Variants in NRXN1 observed in about 807,000 individuals in gnomAD.
NRXN1 encodes neurexin-1.
A neutral mutation model predicts 150.9 loss-of-function variants in NRXN1; 39 were observed. The ratio of observed to expected loss-of-function variants is 0.26; its 90% CI spans 0.20 to 0.34. NRXN1 has a LOEUF of 0.34. Among genes scored for constraint, NRXN1 ranks in the 10% least tolerant of loss-of-function variants. The pLI, the probability that NRXN1 is intolerant of heterozygous loss-of-function variation, is 1.00. For missense variants in NRXN1, 1,815 were observed against 1,949.9 expected, an observed-to-expected ratio of 0.93 and a Z score of 1.30; for synonymous variants, 924 against 757.0, an observed-to-expected ratio of 1.22 and a Z score of -3.62.
chr2:50,640,894 G>T (rs575670929), intron 5 of NRXN1, among the ~76,000 whole-genome samples: 1 of 152,154 alleles, frequency 6.6e-6, no homozygotes, highest in Non-Finnish European at 1.5e-5. Flanking sequence ...GGCAACTGTC[G>T]ATATTATATT....
chr2:50,205,179 T>C (rs2062474983), intron 18 of NRXN1, among the ~76,000 whole-genome samples: 2 of 152,118 alleles, frequency 1.3e-5, no homozygotes, highest in Non-Finnish European at 1.5e-5. Flanking sequence ...TTCATCTGCA[T>C]GGAAATTCTG....
At chr2:50,650,893 T>A (rs749162768) in intron 5 of NRXN1, among the ~76,000 whole-genome samples, 3 of 152,042 alleles carry the variant, frequency 2.0e-5, no homozygotes, top group Admixed American at 2.0e-4. Context: ...TAAAAAAGTA[T>A]AAAAATAAAT....
intron 15 of NRXN1, among the ~76,000 whole-genome samples, chr2:50,474,640 C>T (rs1356714450): frequency 3.0e-5 from 4 of 133,658 alleles, no homozygotes; most frequent in Admixed American, 8.9e-5. Flanking sequence ...CTCCTCTGTG[C>T]CATGGGAGCT....
intron 5 of NRXN1, among the ~76,000 whole-genome samples, chr2:50,781,805 C>T (rs1273679375): frequency 6.6e-6 from 1 of 152,140 alleles, no homozygotes; most frequent in African/African-American, 2.4e-5. Flanking sequence ...CAGGATGAAA[C>T]TGCCTCAATT....
intron 18 of NRXN1, among the ~76,000 whole-genome samples, chr2:50,209,467 G>A (rs1456202304): frequency 3.9e-5 from 6 of 152,084 alleles, no homozygotes; most frequent in Non-Finnish European, 8.8e-5. Flanking sequence ...TTTTACAAAC[G>A]AGAAGACTGA....
chr2:50,670,358 A>C (rs557229159), intron 5 of NRXN1, among the ~76,000 whole-genome samples: 1 of 151,666 alleles, frequency 6.6e-6, no homozygotes, highest in African/African-American at 2.4e-5. Context: ...ATTTATTTTT[A>C]TTATTTTGCT....
chr2:50,785,770 G>A (rs529241821), intron 5 of NRXN1, among the ~76,000 whole-genome samples: 13 of 152,252 alleles, frequency 8.5e-5, no homozygotes, highest in South Asian at 6.2e-4. Context: ...CAGAAGTCAC[G>A]TGGGTTCCCT....
At chr2:50,972,130 A>C (rs1695103245) in intron 2 of NRXN1, among the ~76,000 whole-genome samples, 1 of 152,144 alleles carries the variant, frequency 6.6e-6, no homozygotes, top group Non-Finnish European at 1.5e-5. Context: ...AATTCTTATT[A>C]GGAATTATTA....
intron 5 of NRXN1, among the ~76,000 whole-genome samples, chr2:50,683,064 C>T (rs373305652): frequency 6.6e-6 from 1 of 152,160 alleles, no homozygotes; most frequent in African/African-American, 2.4e-5. Context: ...GGAAGCAACA[C>T]TGAGCTGCTG....
At chr2:50,049,290 T>C (rs1487943355) in intron 21 of NRXN1, among the ~76,000 whole-genome samples, 2 of 152,126 alleles carry the variant, frequency 1.3e-5, no homozygotes. Context: ...TATGTTTTGG[T>C]AAATAATCAT....
chr2:50,818,962 A>G (rs2105811833), intron 5 of NRXN1, among the ~76,000 whole-genome samples: 1 of 152,168 alleles, frequency 6.6e-6, no homozygotes, highest in Middle Eastern at 3.4e-3. Context: ...CACAAGGAGG[A>G]GGGAAAGCAA....
At chr2:50,658,394 C>T (rs1315577171) in intron 5 of NRXN1, among the ~76,000 whole-genome samples, 3 of 80,158 alleles carry the variant, frequency 3.7e-5, no homozygotes, top group African/African-American at 1.7e-4. Flanking sequence ...TTTTAATTTA[C>T]AGGAAATGCA....
chr2:50,334,822 T>G (rs2077076443), intron 17 of NRXN1, among the ~76,000 whole-genome samples: 1 of 152,220 alleles, frequency 6.6e-6, no homozygotes, highest in Admixed American at 6.5e-5. Flanking sequence ...TGCTGGCACT[T>G]ACATACCACT....
In NRXN1 at chr2:50,004,862, AG is replaced by A. The variant is rs1485155498; in HGVS notation, c.4128+48408del. ...TAGTTAAAATAACTTAGACTTTTTC[AG>A]GAAAGACAAACTGAGGCCAAAAGCT... On this transcript the variant is annotated intron_variant, in intron 21 of 22. Transcript: ENST00000401669. Among the ~76,000 whole-genome samples the A allele has an allele frequency of 3.3e-5, 5 of 152,272 alleles. No individual in the cohort carries two copies. In the East Asian group the frequency reaches 7.7e-4, roughly 24 times the overall value.
At chr2:50,111,440 G>C (rs1010038049) in intron 18 of NRXN1, among the ~76,000 whole-genome samples, 3 of 152,000 alleles carry the variant, frequency 2.0e-5, no homozygotes, top group African/African-American at 7.2e-5. Context: ...TCAGGAGTGA[G>C]ACCGCCTGGC....
chr2:50,849,069 C>T (rs1674121957), intron 5 of NRXN1, among the ~76,000 whole-genome samples: 1 of 152,188 alleles, frequency 6.6e-6, no homozygotes, highest in African/African-American at 2.4e-5. Flanking sequence ...CAAAGACCAA[C>T]TCAAATCTCT....
intron 21 of NRXN1, among the ~76,000 whole-genome samples, chr2:49,951,669 T>C: frequency 6.6e-6 from 1 of 152,024 alleles, no homozygotes; most frequent in East Asian, 1.9e-4. Flanking sequence ...TGTTTACAAA[T>C]GTAAATTTAG....
At chr2:50,588,920 C>T (rs1319689943) in intron 8 of NRXN1, 1 of 152,116 alleles carries the variant, frequency 6.6e-6, no homozygotes, top group East Asian at 1.9e-4. Context: ...ATGATGAGCT[C>T]ATACAATAAA....
chr2:50,485,668 C>T (rs1422129871), intron 15 of NRXN1, among the ~76,000 whole-genome samples: 1 of 152,194 alleles, frequency 6.6e-6, no homozygotes, highest in African/African-American at 2.4e-5. Context: ...GCAAGCTGGG[C>T]AGGACTGCCT....
Sources: gnomAD v4.1 joint callset for allele counts (sites outside exome capture counted in the v4.1 genomes callset) on GRCh38, gnomAD v4.1.1 for gene constraint, MANE v1.5 for transcripts, NCBI Gene and HGNC (gene_info 2026-07-23, HGNC 2026-07-21) for gene names.